The following COX15 variants were observed in gnomAD, a reference collection of about 807,000 sequenced individuals.
The protein encoded by COX15 is cytochrome c oxidase assembly factor COX15.
COX15 carries 51 observed loss-of-function variants against 51.9 expected under a neutral mutation model. The ratio of observed to expected loss-of-function variants is 0.98; its 90% CI spans 0.78 to 1.24. COX15 has a LOEUF of 1.24. Ranked by LOEUF, COX15 falls within the 50% of genes most tolerant of loss-of-function variation. The pLI, the probability that COX15 is intolerant of heterozygous loss-of-function variation, is 0.00. For missense variants in COX15, 420 were observed against 501.1 expected, an observed-to-expected ratio of 0.84 and a Z score of 1.55; for synonymous variants, 188 against 190.5, an observed-to-expected ratio of 0.99 and a Z score of 0.11.
In COX15 at chr10:99,720,163, G is replaced by A. The variant is rs531522737; in HGVS notation, c.832+824C>T. On this transcript the variant is annotated intron_variant, in intron 6 of 8. Coordinates refer to ENST00000016171, the MANE Select transcript of COX15 (RefSeq NM_078470.6). ...GAAGTGTGGGTTAAAGAATGAAAAC[G>A]GCCAGGCATGGTAGCTCATGCCTGT... 5.3e-5 allele frequency among the ~76,000 whole-genome samples: 8 copies of A among 152,282 alleles called. No individual in the cohort carries two copies. The East Asian group carries it at 5.8e-4, about 11-fold the overall frequency.
Position 99,729,084 on chromosome 10 carries a change from G to A in COX15, c.272+469C>T, listed in dbSNP as rs557762485. Among the ~76,000 whole-genome samples, 16 of 152,280 alleles carry A rather than the reference G, an allele frequency of 1.1e-4. 1 individual carries two copies. In the South Asian group the frequency reaches 2.1e-3, roughly 20 times the overall value. On this transcript the variant is annotated intron_variant, in intron 2 of 8. Coordinates refer to ENST00000016171, the MANE Select transcript of COX15 (RefSeq NM_078470.6). ...AAAACACTCAACTGTTCTATGGCAG[G>A]GCAAGCCATCAGACATGTTCCTTCT... is the stretch of plus-strand genomic sequence containing the variant.
At position 99,711,156 on chromosome 10, in the gene COX15, T is replaced by C; in HGVS notation, c.*3431A>G. 1.0e-6 allele frequency: 1 copy of C among 985,270 alleles called. No individual in the cohort carries two copies. The highest frequency in any genetic ancestry group is 1.7e-5 in the African/African-American group (1 of 57,348). The allele number at this position is 985,270 out of a possible 1,614,324, so 61.0% of individuals were successfully genotyped here. A position where few individuals can be genotyped will look rare whatever the true frequency, so the allele number is the denominator to read the frequency against. On this transcript the variant is annotated 3_prime_UTR_variant, in exon 9 of 9. Transcript: ENST00000016171. Reference sequence around the variant, plus strand: ...GAAGCTCATAGATATAATACAGTTATATAGCTAAATGCAACCAGTTGTTTT... The same window carrying C: ...GAAGCTCATAGATATAATACAGTTACATAGCTAAATGCAACCAGTTGTTTT...
Position 99,712,247 on chromosome 10 carries a change from G to C in COX15, c.*2340C>G, listed in dbSNP as rs1383351244. The C allele has an allele frequency of 1.0e-6, 1 of 985,364 alleles. No homozygotes were observed. The allele number at this position is 985,364 out of a possible 1,614,324, so 61.0% of individuals were successfully genotyped here. On this transcript the variant is annotated 3_prime_UTR_variant, in exon 9 of 9. Coordinates refer to ENST00000016171, the MANE Select transcript of COX15 (RefSeq NM_078470.6). ...TGAGAATGGTACACTACAGGTCACAGAAACTTACAGAGTACTGGAGTTGAA... is the reference window on the plus strand; with the variant it reads ...TGAGAATGGTACACTACAGGTCACACAAACTTACAGAGTACTGGAGTTGAA...
chr10:99,702,846 T>C, the COX15 span, among the ~76,000 whole-genome samples: 1 of 152,220 alleles, frequency 6.6e-6, no homozygotes, highest in Admixed American at 6.5e-5. Context: ...CCACTGTTAC[T>C]ACCAGGCATG....
chr10:99,721,430 A>C (rs2036767958), intron 5 of COX15, among the ~76,000 whole-genome samples: 1 of 152,234 alleles, frequency 6.6e-6, no homozygotes, highest in African/African-American at 2.4e-5. Context: ...GAAAGGATGT[A>C]GCTTAAGATC....
chr10:99,728,468 C>G lies in COX15; in HGVS notation c.273-905G>C, dbSNP rs141264066. On this transcript the variant is annotated intron_variant, in intron 2 of 8. Coordinates refer to ENST00000016171, the MANE Select transcript of COX15 (RefSeq NM_078470.6). ...GGGAAAGAAGAATCAAGTATGTATCCTGCCTTTCCTATACAAACTATACCT... is the reference window on the plus strand; with the variant it reads ...GGGAAAGAAGAATCAAGTATGTATCGTGCCTTTCCTATACAAACTATACCT... 3.1e-3 allele frequency among the ~76,000 whole-genome samples: 475 copies of G among 152,260 alleles called. 1 individual carries two copies. The highest frequency in any genetic ancestry group is 0.011 in the African/African-American group (465 of 41,550).
At position 99,713,091 on chromosome 10, in the gene COX15, T is replaced by C. The variant is rs2036447725; in HGVS notation, c.*1496A>G. The C allele has an allele frequency of 8.2e-7, 1 of 1,220,784 alleles. No individual in the cohort carries two copies. The highest frequency in any genetic ancestry group is 1.6e-5 in the African/African-American group (1 of 64,356). The allele number at this position is 1,220,784 out of a possible 1,614,324, so 75.6% of individuals were successfully genotyped here. ...TTGGTACCCAGAGTGAAATGCAGTA[T>C]GTTAGGGGTATTTTGACTATGGCTG... is the stretch of plus-strand genomic sequence containing the variant. On this transcript the variant is annotated 3_prime_UTR_variant, in exon 9 of 9. Coordinates refer to ENST00000016171, the MANE Select transcript of COX15 (RefSeq NM_078470.6).
At chr10:99,699,007 G>A in the COX15 span, 1 of 710,062 alleles carries the variant, frequency 1.4e-6, no homozygotes, top group South Asian at 2.0e-5. Flanking sequence ...TTACAGATGA[G>A]GAAGTGGACA....
At position 99,711,835 on chromosome 10, in the gene COX15, TACTG is replaced by T. The variant is rs1268273535; in HGVS notation, c.*2748_*2751del. 3 of 984,402 alleles carry T rather than the reference TACTG, an allele frequency of 3.0e-6. No individual in the cohort carries two copies. The highest frequency in any genetic ancestry group is 3.6e-6 in the Non-Finnish European group (3 of 829,166). The allele number at this position is 984,402 out of a possible 1,614,324, so 61.0% of individuals were successfully genotyped here. ...GTCGGCTTGCATTGCTATAAGGAAA[TACTG>T]ACAATTTTTAGAAAGAAAAGAGGTT... is the stretch of plus-strand genomic sequence containing the variant. On this transcript the variant is annotated 3_prime_UTR_variant, in exon 9 of 9. Coordinates refer to ENST00000016171, the MANE Select transcript of COX15 (RefSeq NM_078470.6).
intron 4 of COX15, 95 bp from the exon 5 acceptor site, chr10:99,724,218 CTG>C: frequency 7.0e-7 from 1 of 1,419,998 alleles, no homozygotes; most frequent in Non-Finnish European, 9.8e-7. Flanking sequence ...GAGTCTCACT[CTG>C]TCACCAGGCT....
At chr10:99,695,010 T>C in the COX15 span, among the ~76,000 whole-genome samples, 16 of 152,228 alleles carry the variant, frequency 1.1e-4, no homozygotes, top group Non-Finnish European at 2.1e-4. Flanking sequence ...GAGAATGGAA[T>C]GAGATTAAGT....
Position 99,713,971 on chromosome 10 carries a change from C to CCA in COX15, c.*615_*616insTG. 1.1e-6 allele frequency: 1 copy of CCA among 891,958 alleles called. No homozygotes were observed. Among genetic ancestry groups the CCA allele is most frequent in the Non-Finnish European group, 1.3e-6 (1 of 764,018 alleles). The allele number at this position is 891,958 out of a possible 1,614,324, so 55.3% of individuals were successfully genotyped here. A position where few individuals can be genotyped will look rare whatever the true frequency, so the allele number is the denominator to read the frequency against. The stretch of plus-strand genomic sequence containing the variant: ...GGGCAACAAGAGTGAAACTCTGTCT[C>CCA]AAAAAAAAAAAAAAAAATGGAACTA... On this transcript the variant is annotated 3_prime_UTR_variant, in exon 9 of 9. Coordinates refer to ENST00000016171, the MANE Select transcript of COX15 (RefSeq NM_078470.6).
chr10:99,726,562 A>G (rs887677419), intron 4 of COX15, among the ~76,000 whole-genome samples: 1 of 152,176 alleles, frequency 6.6e-6, no homozygotes, highest in Non-Finnish European at 1.5e-5. Context: ...CTATTCTATT[A>G]AAGTGCCTCA....
chr10:99,701,909 T>G, the COX15 span, among the ~76,000 whole-genome samples: 4 of 151,614 alleles, frequency 2.6e-5, no homozygotes, highest in Non-Finnish European at 5.9e-5. Context: ...TTAGCAGGGT[T>G]TGGTGGCAGG....
chr10:99,730,585 C>CA (rs11440363), intron 1 of COX15, among the ~76,000 whole-genome samples: 127,117 of 149,284 alleles, frequency 0.85, 54,085 homozygotes, highest in Middle Eastern at 0.92. Context: ...CTCCATCTCT[C>CA]AAAAAAAAAA....
chr10:99,706,583 C>A (rs1276925591), downstream of COX15, among the ~76,000 whole-genome samples: 1 of 152,084 alleles, frequency 6.6e-6, no homozygotes, highest in East Asian at 1.9e-4. Flanking sequence ...AATCCTCCCA[C>A]CTCAGCCTCC....
At chr10:99,703,515 C>T in the COX15 span, among the ~76,000 whole-genome samples, 11 of 152,260 alleles carry the variant, frequency 7.2e-5, no homozygotes, top group South Asian at 4.1e-4. Flanking sequence ...TTTAGAGATT[C>T]GCATTCTAGA....
chr10:99,706,534 T>C (rs549034816), downstream of COX15, among the ~76,000 whole-genome samples: 5 of 151,856 alleles, frequency 3.3e-5, no homozygotes, highest in Non-Finnish European at 5.9e-5. Flanking sequence ...AGATGGAGTC[T>C]GTGTTGTCCA....
chr10:99,694,540 T>TG, the COX15 span, among the ~76,000 whole-genome samples: 1 of 148,306 alleles, frequency 6.7e-6, no homozygotes, highest in Non-Finnish European at 1.5e-5. Flanking sequence ...GTTTTTTTGT[T>TG]TTTTTTTTTT....
Sources: gnomAD v4.1 joint callset for allele counts (sites outside exome capture counted in the v4.1 genomes callset) on GRCh38, gnomAD v4.1.1 for gene constraint, MANE v1.5 for transcripts, NCBI Gene and HGNC (gene_info 2026-07-23, HGNC 2026-07-21) for gene names.